Variants in GDPD4 observed in about 807,000 individuals in gnomAD.
GDPD4 encodes glycerophosphodiester phosphodiesterase 6.
A neutral mutation model predicts 67.8 loss-of-function variants in GDPD4; 60 were observed. That is an observed-to-expected ratio of 0.88 (90% confidence interval 0.72 to 1.10). The LOEUF (loss-of-function observed/expected upper bound fraction) is 1.10. Ranked by LOEUF, GDPD4 falls within the 50% of genes least tolerant of loss-of-function variation. The pLI is 0.00. For missense variants in GDPD4, 623 were observed against 613.9 expected, an observed-to-expected ratio of 1.01 and a Z score of -0.16; for synonymous variants, 212 against 210.9, an observed-to-expected ratio of 1.00 and a Z score of -0.04.
intron 1 of GDPD4, among the ~76,000 whole-genome samples, chr11:77,293,773 A>G (rs1264712205): frequency 2.6e-5 from 4 of 152,222 alleles, no homozygotes; most frequent in African/African-American, 7.2e-5. Context: ...TTAAAAGCCA[A>G]TAGCTAACTT....
chr11:77,263,178 C>T (rs1219886016), intron 10 of GDPD4, among the ~76,000 whole-genome samples: 1 of 151,984 alleles, frequency 6.6e-6, no homozygotes, highest in African/African-American at 2.4e-5. Context: ...CTTGGATCTA[C>T]ACAAAAGAAT....
At chr11:77,280,859 G>A (rs564481147) in intron 3 of GDPD4, among the ~76,000 whole-genome samples, 75 of 152,328 alleles carry the variant, frequency 4.9e-4, no homozygotes, top group African/African-American at 1.7e-3. Flanking sequence ...TGAAAAGAGC[G>A]AGAAGGAGTT....
chr11:77,223,495 C>A (rs1003413817), intron 16 of GDPD4, among the ~76,000 whole-genome samples: 1 of 152,136 alleles, frequency 6.6e-6, no homozygotes, highest in African/African-American at 2.4e-5. Context: ...ACTCCAGACC[C>A]TGTTTGCCTG....
At chr11:77,288,029 A>G (rs909869446) in intron 1 of GDPD4, among the ~76,000 whole-genome samples, 3 of 152,216 alleles carry the variant, frequency 2.0e-5, no homozygotes, top group African/African-American at 7.2e-5. Flanking sequence ...GGCACTAAGA[A>G]CACAGGCACC....
At chr11:77,249,729 TAAAAAC>T (rs1958852215) in intron 11 of GDPD4, among the ~76,000 whole-genome samples, 1 of 152,174 alleles carries the variant, frequency 6.6e-6, no homozygotes, top group East Asian at 1.9e-4. Context: ...GTCTGAGAGT[TAAAAAC>T]TCAAGGGGAC....
chr11:77,270,390 T>G (rs1001313357), intron 7 of GDPD4, among the ~76,000 whole-genome samples: 1 of 152,248 alleles, frequency 6.6e-6, no homozygotes, highest in Admixed American at 6.5e-5. Context: ...TACTTGGATG[T>G]AAGCAGAAAT....
intron 5 of GDPD4, among the ~76,000 whole-genome samples, chr11:77,274,139 A>C (rs908675049): frequency 6.6e-6 from 1 of 152,180 alleles, no homozygotes; most frequent in Non-Finnish European, 1.5e-5. Flanking sequence ...TGGTGTCCCA[A>C]CTCCAAAACA....
At chr11:77,286,106 T>C (rs1687999021) in intron 2 of GDPD4, among the ~76,000 whole-genome samples, 1 of 152,132 alleles carries the variant, frequency 6.6e-6, no homozygotes, top group South Asian at 2.1e-4. Context: ...CCTCACTTCT[T>C]CACATTCATA....
rs749358780 is a variant in GDPD4 at position 77,245,324 on chromosome 11, TG to T, written c.1042del (p.Gln348LysfsTer2). ...AGAGGCAAGGATCACGCTTACTACT[TG>T]GCGGACAAATGTGTGTCTGAGAGGA... is the stretch of plus-strand genomic sequence containing the variant. ...KHPLRHTFVR[Q>X]VVSVILASKI... On this transcript the variant is annotated frameshift_variant, in exon 12 of 17. Coordinates refer to ENST00000315938, the MANE Select transcript of GDPD4 (RefSeq NM_182833.3). LOFTEE classifies it high-confidence loss of function. 1 of 1,614,154 alleles carries T rather than the reference TG, an allele frequency of 6.2e-7. No homozygotes were observed. Among genetic ancestry groups the T allele is most frequent in the South Asian group, 1.1e-5 (1 of 91,074 alleles).
At chr11:77,265,457 G>GC (rs1174288757) in intron 10 of GDPD4, among the ~76,000 whole-genome samples, 1 of 152,034 alleles carries the variant, frequency 6.6e-6, no homozygotes, top group East Asian at 1.9e-4. Flanking sequence ...GAAAGCTAAC[G>GC]CAATTCTTTT....
At chr11:77,233,285 G>T in intron 13 of GDPD4, 113 bp from the exon 14 acceptor site, 1 of 915,288 alleles carries the variant, frequency 1.1e-6, no homozygotes, top group Non-Finnish European at 1.7e-6. Flanking sequence ...ACCAGAAGCA[G>T]CTGATCCAGG....
intron 10 of GDPD4, 81 bp downstream of exon 10, chr11:77,268,376 C>A (rs1283585061): frequency 7.7e-5 from 72 of 931,430 alleles, no homozygotes; most frequent in Non-Finnish European, 1.2e-4. Flanking sequence ...GCTGTCTCTA[C>A]AACCTCAGGC....
At chr11:77,268,369 G>C (rs1959188409) in intron 10 of GDPD4, 88 bp downstream of exon 10, 1 of 852,000 alleles carries the variant, frequency 1.2e-6, no homozygotes, top group African/African-American at 1.7e-5. Flanking sequence ...AGGGCTTGCT[G>C]TCTCTACAAC....
At chr11:77,217,359 A>G in intron 16 of GDPD4, 45 bp from the exon 17 acceptor site, 1 of 1,427,006 alleles carries the variant, frequency 7.0e-7, no homozygotes, top group Non-Finnish European at 9.9e-7. Context: ...TCACTTCTCC[A>G]CTCTCTGTCA....
intron 4 of GDPD4, among the ~76,000 whole-genome samples, chr11:77,276,834 C>T (rs967814950): frequency 1.3e-5 from 2 of 151,952 alleles, no homozygotes; most frequent in Admixed American, 1.3e-4. Flanking sequence ...ACCTCTTTAT[C>T]AAAATAATTT....
chr11:77,256,454 A>T (rs1201556320), intron 11 of GDPD4, among the ~76,000 whole-genome samples: 1 of 152,208 alleles, frequency 6.6e-6, no homozygotes, highest in African/African-American at 2.4e-5. Context: ...AAATATTCTG[A>T]GTAACTACAG....
At chr11:77,234,562 A>G (rs1565512024) in intron 13 of GDPD4, among the ~76,000 whole-genome samples, 1 of 152,052 alleles carries the variant, frequency 6.6e-6, no homozygotes, top group Non-Finnish European at 1.5e-5. Flanking sequence ...TGTGTACCCA[A>G]TGTTTAGCTC....
At chr11:77,279,722 A>G (rs186355424) in intron 3 of GDPD4, among the ~76,000 whole-genome samples, 3 of 152,254 alleles carry the variant, frequency 2.0e-5, no homozygotes, top group African/African-American at 4.8e-5. Flanking sequence ...AATACATCCC[A>G]TAAGTTTACT....
At chr11:77,252,071 T>TG (rs1565523357) in intron 11 of GDPD4, among the ~76,000 whole-genome samples, 12 of 141,002 alleles carry the variant, frequency 8.5e-5, no homozygotes, top group Non-Finnish European at 1.5e-4. Flanking sequence ...TTTTGTTTTT[T>TG]TTTTTTTTTT....
Sources: gnomAD v4.1 joint callset for allele counts (sites outside exome capture counted in the v4.1 genomes callset) on GRCh38, gnomAD v4.1.1 for gene constraint, MANE v1.5 for transcripts, NCBI Gene and HGNC (gene_info 2026-07-23, HGNC 2026-07-21) for gene names.